Variants in THSD4 observed in about 807,000 individuals in gnomAD.
THSD4 encodes the protein thrombospondin type-1 domain-containing protein 4.
A neutral mutation model predicts 119.0 loss-of-function variants in THSD4; 69 were observed. The ratio of observed to expected loss-of-function variants is 0.58; its 90% CI spans 0.48 to 0.71. The LOEUF is 0.71. THSD4 is among the 30% of genes least tolerant of loss of function. THSD4 has a pLI of 0.00. For missense variants in THSD4, 1,393 were observed against 1,391.1 expected (o/e 1.00, Z -0.02); for synonymous variants, 524 against 540.4 (o/e 0.97, Z 0.42).
chr15:71,673,053 A>G (rs2051565364), intron 8 of THSD4, among the ~76,000 whole-genome samples: 1 of 152,220 alleles, frequency 6.6e-6, no homozygotes, highest in African/African-American at 2.4e-5. Context: ...GAATAGTTTC[A>G]GAAGGAATGG....
At chr15:71,206,437 G>A (rs952781650) in intron 3 of THSD4, among the ~76,000 whole-genome samples, 1 of 152,208 alleles carries the variant, frequency 6.6e-6, no homozygotes, top group Non-Finnish European at 1.5e-5. Flanking sequence ...CCAAAACTTT[G>A]TTCTCAGGGC....
intron 15 of THSD4, 33 bp from the exon 16 acceptor site, chr15:71,764,987 G>T: frequency 6.3e-7 from 1 of 1,598,242 alleles, no homozygotes; most frequent in Non-Finnish European, 8.5e-7. Flanking sequence ...TTTCCATCAT[G>T]TGACACTCAT....
At chr15:71,745,639 G>GT in intron 12 of THSD4, among the ~76,000 whole-genome samples, 1 of 152,246 alleles carries the variant, frequency 6.6e-6, no homozygotes, top group South Asian at 2.1e-4. Context: ...GTCTTGAACT[G>GT]TTTCGGTTTT....
intron 7 of THSD4, among the ~76,000 whole-genome samples, chr15:71,500,184 TGTGAG>T (rs1305772459): frequency 6.6e-6 from 1 of 152,146 alleles, no homozygotes; most frequent in African/African-American, 2.4e-5. Flanking sequence ...CCATACCAGA[TGTGAG>T]GTGATATTTC....
intron 8 of THSD4, among the ~76,000 whole-genome samples, chr15:71,676,457 T>A (rs1278504651): frequency 6.6e-6 from 1 of 152,178 alleles, no homozygotes; most frequent in African/African-American, 2.4e-5. Context: ...AATTTTTGTA[T>A]TTTTAGTAGA....
At chr15:71,193,292 G>A (rs2043688963) in intron 3 of THSD4, among the ~76,000 whole-genome samples, 1 of 152,148 alleles carries the variant, frequency 6.6e-6, no homozygotes, top group Non-Finnish European at 1.5e-5. Context: ...TGGTGATTGG[G>A]GTGGTGGTAG....
intron 6 of THSD4, among the ~76,000 whole-genome samples, chr15:71,405,372 A>C (rs2046591535): frequency 6.6e-6 from 1 of 152,206 alleles, no homozygotes; most frequent in Non-Finnish European, 1.5e-5. Flanking sequence ...CATTTTGAGG[A>C]ACTGCCATAT....
intron 7 of THSD4, among the ~76,000 whole-genome samples, chr15:71,468,422 C>T (rs2047529804): frequency 6.6e-6 from 1 of 152,144 alleles, no homozygotes; most frequent in African/African-American, 2.4e-5. Flanking sequence ...ATTTAATATG[C>T]TCATATGCTA....
chr15:71,686,448 C>A (rs192375157), intron 8 of THSD4, among the ~76,000 whole-genome samples: 2 of 152,198 alleles, frequency 1.3e-5, no homozygotes, highest in South Asian at 2.1e-4. Flanking sequence ...GACAGCTGTT[C>A]CCTCCACATA....
intron 6 of THSD4, among the ~76,000 whole-genome samples, chr15:71,305,772 T>C (rs1596326063): frequency 6.6e-6 from 1 of 152,212 alleles, no homozygotes; most frequent in East Asian, 1.9e-4. Flanking sequence ...AATAGTAGAA[T>C]GAAACTCACA....
chr15:71,456,416 G>A (rs1001661974), intron 7 of THSD4, among the ~76,000 whole-genome samples: 6 of 152,184 alleles, frequency 3.9e-5, no homozygotes, highest in African/African-American at 7.2e-5. Context: ...AAGAAAAAAA[G>A]CATTGTTTCA....
intron 7 of THSD4, among the ~76,000 whole-genome samples, chr15:71,636,216 G>A (rs568343146): frequency 7.9e-5 from 12 of 152,304 alleles, no homozygotes; most frequent in Admixed American, 2.0e-4. Context: ...GGGGTCAGGC[G>A]TTGGAGACCA....
intron 7 of THSD4, among the ~76,000 whole-genome samples, chr15:71,438,813 A>G (rs1046976210): frequency 6.6e-6 from 1 of 152,252 alleles, no homozygotes; most frequent in Non-Finnish European, 1.5e-5. Context: ...GGGCTAATGC[A>G]TTTATGGACT....
At chr15:71,329,685 T>G (rs989687036) in intron 6 of THSD4, among the ~76,000 whole-genome samples, 4 of 152,170 alleles carry the variant, frequency 2.6e-5, no homozygotes, top group Non-Finnish European at 5.9e-5. Flanking sequence ...CTCGAATTAC[T>G]CATCGTGAAA....
intron 7 of THSD4, among the ~76,000 whole-genome samples, chr15:71,594,543 G>A (rs1567053438): frequency 6.6e-6 from 1 of 152,114 alleles, no homozygotes; most frequent in African/African-American, 2.4e-5. Flanking sequence ...CGACCCAGGT[G>A]TGCCCAAATG....
intron 5 of THSD4, among the ~76,000 whole-genome samples, chr15:71,253,840 T>C (rs2044285715): frequency 6.6e-6 from 1 of 152,216 alleles, no homozygotes; most frequent in South Asian, 2.1e-4. Flanking sequence ...TTTTAACCTC[T>C]CTCTGTGTAT....
chr15:71,140,439 A>T (rs1409908127), intron 1 of THSD4, among the ~76,000 whole-genome samples: 1 of 152,124 alleles, frequency 6.6e-6, no homozygotes, highest in Non-Finnish European at 1.5e-5. Context: ...ACTCATTACC[A>T]CAAGGAGGGC....
intron 7 of THSD4, among the ~76,000 whole-genome samples, chr15:71,537,947 G>A (rs1247627466): frequency 6.6e-6 from 1 of 151,712 alleles, no homozygotes; most frequent in Non-Finnish European, 1.5e-5. Context: ...ATTTTTAGTA[G>A]GGATGAGGTT....
chr15:71,184,216 G>A (rs751833415), intron 3 of THSD4: 5 of 151,880 alleles, frequency 3.3e-5, no homozygotes, highest in South Asian at 2.1e-4. Flanking sequence ...GGATTCTCTG[G>A]AAAGAGGAAG....
Sources: gnomAD v4.1 joint callset for allele counts (sites outside exome capture counted in the v4.1 genomes callset) on GRCh38, gnomAD v4.1.1 for gene constraint, MANE v1.5 for transcripts, NCBI Gene and HGNC (gene_info 2026-07-23, HGNC 2026-07-21) for gene names.